The following BNC1 variants were observed in gnomAD, a reference collection of about 807,000 sequenced individuals.
BNC1 encodes the protein basonuclin zinc finger protein 1, also known as zinc finger protein basonuclin-1.
A neutral mutation model predicts 66.5 loss-of-function variants in BNC1; 8 were observed. The ratio of observed to expected loss-of-function variants is 0.12; its 90% CI spans 0.07 to 0.22. BNC1 has a LOEUF of 0.22. Ranked by LOEUF, BNC1 falls within the 10% of genes least tolerant of loss-of-function variation. The probability of loss-of-function intolerance (pLI) is 1.00; values close to 1 mark genes in which losing one functional copy is unlikely to be tolerated. For missense variants in BNC1, 1,069 were observed against 1,241.3 expected, an observed-to-expected ratio of 0.86 and a Z score of 2.09; for synonymous variants, 454 against 452.6, an observed-to-expected ratio of 1.00 and a Z score of -0.04.
rs1426453316 is a variant in BNC1 at position 83,263,331 on chromosome 15, T to A, written c.1920A>T (p.Pro640=). 6.2e-7 allele frequency: 1 copy of A among 1,614,212 alleles called. No homozygotes were observed. Among genetic ancestry groups the A allele is most frequent in the Non-Finnish European group, 8.5e-7 (1 of 1,180,024 alleles). ...CCTCCCTTGGCACCATGATCAATGC[T>A]GGTGTCTGCTCAGTCTCCCTCTCTG... is the stretch of plus-strand genomic sequence containing the variant. ...HNSERETEQT[P]ALIMVPREVE... is the part of the protein sequence containing the mutation. Residue 640 remains proline (P), a synonymous_variant, in exon 4 of 5, where the codon CCA becomes CCT. Coordinates refer to ENST00000345382, the MANE Select transcript of BNC1 (RefSeq NM_001717.4).
chr15:83,279,374 A>G (rs1346045816), intron 1 of BNC1, among the ~76,000 whole-genome samples: 2 of 152,194 alleles, frequency 1.3e-5, no homozygotes, highest in East Asian at 3.8e-4. Context: ...AGTGAAAAAA[A>G]TAAGTCAAAC....
chr15:83,273,035 G>C (rs1417167383), intron 1 of BNC1, among the ~76,000 whole-genome samples: 5 of 151,946 alleles, frequency 3.3e-5, no homozygotes, highest in African/African-American at 1.2e-4. Context: ...TTTAGTTTGG[G>C]GGCAATTTTA....
In BNC1 at chr15:83,263,284, T is replaced by C. The variant is rs748243885; in HGVS notation, c.1967A>G (p.His656Arg). Residue 656 changes from histidine (H) to arginine (R), a missense_variant, in exon 4 of 5, where the codon CAC (histidine) becomes CGC (arginine). Physicochemically the swap from His to Arg is conservative, Grantham distance 29. Around this residue, in one of 7 missense-constraint regions of BNC1, gnomAD observed 657 missense variants for 715.8 expected, o/e 0.92. Coordinates refer to ENST00000345382, the MANE Select transcript of BNC1 (RefSeq NM_001717.4). ...PREVEDGGHE[H>R]YFTPGMEPQV... ...GGGTTCCATCCCAGGTGTGAAGTAGTGTTCATGGCCACCATCCTCGACCTC... is the reference window on the plus strand; with the variant it reads ...GGGTTCCATCCCAGGTGTGAAGTAGCGTTCATGGCCACCATCCTCGACCTC... 2 of 1,614,204 alleles carry C rather than the reference T, an allele frequency of 1.2e-6. No individual in the cohort carries two copies. The highest frequency in any genetic ancestry group is 1.7e-5 in the Admixed American group (1 of 60,030).
rs943242892 is a variant in BNC1, at chr15:83,258,204, T to A, written c.2301-78A>T. On this transcript the variant is annotated intron_variant, in intron 4 of 4. Coordinates refer to ENST00000345382, the MANE Select transcript of BNC1 (RefSeq NM_001717.4). ...CATCATTCTGAGTGGAGAGACTTGG[T>A]AGATACCAGGAAAAACATGTGGTAT... 6 of 1,425,828 alleles carry A rather than the reference T, an allele frequency of 4.2e-6. No individual in the cohort carries two copies. In the Admixed American group the frequency reaches 1.1e-4, roughly 26 times the overall value. The allele number at this position is 1,425,828 out of a possible 1,614,324, so 88.3% of individuals were successfully genotyped here. A position where few individuals can be genotyped will look rare whatever the true frequency, so the allele number is the denominator to read the frequency against.
intron 1 of BNC1, among the ~76,000 whole-genome samples, chr15:83,272,299 C>A (rs1040935983): frequency 2.0e-5 from 3 of 151,922 alleles, no homozygotes; most frequent in Admixed American, 2.0e-4. Context: ...GGCACAATCT[C>A]GGCTCAATGC....
intron 1 of BNC1, among the ~76,000 whole-genome samples, chr15:83,277,238 T>TA (rs1334062304): frequency 6.6e-6 from 1 of 152,146 alleles, no homozygotes; most frequent in African/African-American, 2.4e-5. Context: ...CATAACCAGC[T>TA]AATTTTTAAA....
At chr15:83,270,840 GTTTC>G (rs764435481) in intron 1 of BNC1, among the ~76,000 whole-genome samples, 3 of 152,080 alleles carry the variant, frequency 2.0e-5, no homozygotes, top group African/African-American at 4.8e-5. Context: ...TTTGACCATG[GTTTC>G]TTTTTGAGGT....
In BNC1 at chr15:83,263,004, T is replaced by C; in HGVS notation, c.2247A>G (p.Thr749=). 2 of 1,614,184 alleles carry C rather than the reference T, an allele frequency of 1.2e-6. No homozygotes were observed. Among genetic ancestry groups the C allele is most frequent in the East Asian group, 2.2e-5 (1 of 44,886 alleles). ...TAGCATTACAGCCCTCCACTGTGCA[T>C]GTGTGCATTTCTTTGACATGCATAT... ...HKNMHVKEMH[T]CTVEGCNATF... Residue 749 remains threonine (T), a synonymous_variant, in exon 4 of 5, where the codon ACA becomes ACG. Coordinates refer to ENST00000345382, the MANE Select transcript of BNC1 (RefSeq NM_001717.4).
intron 1 of BNC1, among the ~76,000 whole-genome samples, chr15:83,270,580 C>A (rs2038260553): frequency 6.6e-6 from 1 of 152,076 alleles, no homozygotes; most frequent in Non-Finnish European, 1.5e-5. Flanking sequence ...CCCCTGATGG[C>A]GAATGGTGCT....
chr15:83,275,531 T>C (rs2038312151), intron 1 of BNC1, among the ~76,000 whole-genome samples: 1 of 149,756 alleles, frequency 6.7e-6, no homozygotes, highest in African/African-American at 2.5e-5. Context: ...GCTATGCTAA[T>C]GATTTAACTG....
chr15:83,261,670 A>C (rs1001690093), intron 4 of BNC1, among the ~76,000 whole-genome samples: 7 of 152,226 alleles, frequency 4.6e-5, no homozygotes, highest in African/African-American at 1.7e-4. Context: ...CAGTAACACC[A>C]CTGCTATCCC....
At chr15:83,283,235 T>A in intron 1 of BNC1, 1 of 1,535,654 alleles carries the variant, frequency 6.5e-7, no homozygotes, top group Non-Finnish European at 8.7e-7. Context: ...GGCTCGGAGC[T>A]ACGCGCTGAT....
rs1038891510 is a variant in BNC1 at position 83,266,844 on chromosome 15, C to T, written c.427G>A (p.Val143Ile). Residue 143 changes from valine (V) to isoleucine (I), a missense_variant, in exon 3 of 5, where the codon GTA (valine) becomes ATA (isoleucine). By Grantham distance (29) the Val-to-Ile change is conservative. Coordinates refer to ENST00000345382, the MANE Select transcript of BNC1 (RefSeq NM_001717.4). ...WTLQDYIRGYVLQDASGKVLD... is the reference protein window; with the variant it reads ...WTLQDYIRGYILQDASGKVLD... The stretch of plus-strand genomic sequence containing the variant: ...GTTCATGTTTACTGTACCTGCAGTA[C>T]GTATCCACGGATATAATCCTGAAGT... 11 of 1,613,372 alleles carry T rather than the reference C, an allele frequency of 6.8e-6. No individual in the cohort carries two copies. The highest frequency in any genetic ancestry group is 2.7e-5 in the African/African-American group (2 of 74,926).
Position 83,263,197 on chromosome 15 carries a change from C to G in BNC1, c.2054G>C (p.Ser685Thr). ...AGCCATTCCCCTGTTGGACAAAGCA[C>G]TGAAGAGTCCCCCAGCCAGCAGGCG... is the stretch of plus-strand genomic sequence containing the variant. ...QQRLLAGGLFSALSNRGMAFP... is the reference protein window; with the variant it reads ...QQRLLAGGLFTALSNRGMAFP... Residue 685 changes from serine (S) to threonine (T), a missense_variant, in exon 4 of 5, where the codon AGT (serine) becomes ACT (threonine). Ser to Thr is a moderately conservative substitution (Grantham distance 58). This residue lies in a region of BNC1 where 657 missense variants were observed against 715.8 expected (regional missense o/e 0.92). Coordinates refer to ENST00000345382, the MANE Select transcript of BNC1 (RefSeq NM_001717.4). The G allele has an allele frequency of 6.2e-7, 1 of 1,614,252 alleles. No individual in the cohort carries two copies. The highest frequency in any genetic ancestry group is 1.1e-5 in the South Asian group (1 of 91,088).
chr15:83,276,332 G>T (rs961208716), intron 1 of BNC1, among the ~76,000 whole-genome samples: 1 of 152,202 alleles, frequency 6.6e-6, no homozygotes, highest in Non-Finnish European at 1.5e-5. Context: ...AATCATTCCT[G>T]CAAGAGGCAA....
At chr15:83,280,391 A>G (rs962721304) in intron 1 of BNC1, among the ~76,000 whole-genome samples, 4 of 152,230 alleles carry the variant, frequency 2.6e-5, no homozygotes, top group African/African-American at 9.6e-5. Context: ...AGAGCAAAAC[A>G]CTTACACTTT....
chr15:83,264,102 G>T lies in BNC1; in HGVS notation c.1149C>A (p.Ile383=), dbSNP rs140462892. The T allele has an allele frequency of 2.5e-6, 4 of 1,614,056 alleles. No homozygotes were observed. In the African/African-American group the frequency reaches 4.0e-5, roughly 16 times the overall value. The change falls in exon 4 of 5, where the codon ATC becomes ATA. Residue 383 remains isoleucine (I), a synonymous_variant. Transcript: ENST00000345382. ...ACCCTTCGATGGTGCACTTATGCTTGATCTTCAAGTGGACGGCATTGTAGT... is the reference window on the plus strand; with the variant it reads ...ACCCTTCGATGGTGCACTTATGCTTTATCTTCAAGTGGACGGCATTGTAGT... The part of the protein sequence containing the change: ...KIHYNAVHLK[I]KHKCTIEGCN...
At chr15:83,279,737 T>C (rs913417011) in intron 1 of BNC1, among the ~76,000 whole-genome samples, 1 of 152,108 alleles carries the variant, frequency 6.6e-6, no homozygotes, top group Admixed American at 6.5e-5. Flanking sequence ...ACAAGCATGG[T>C]TAAAAGGAGA....
At chr15:83,265,238 T>A (rs2038204454) in intron 3 of BNC1, among the ~76,000 whole-genome samples, 2 of 152,204 alleles carry the variant, frequency 1.3e-5, no homozygotes, top group Non-Finnish European at 2.9e-5. Flanking sequence ...TAGATGCAGC[T>A]CAAGTATTCA....
Sources: gnomAD v4.1 joint callset for allele counts (sites outside exome capture counted in the v4.1 genomes callset) on GRCh38, gnomAD v4.1.1 for gene constraint, gnomAD v4.1.1 regional missense constraint, MANE v1.5 for transcripts, NCBI Gene and HGNC (gene_info 2026-07-23, HGNC 2026-07-21) for gene names.